The following UBAP1 variants were observed in gnomAD, a reference collection of about 807,000 sequenced individuals.
The protein encoded by UBAP1 is ubiquitin-associated protein 1.
Under a neutral mutation model 39.0 loss-of-function variants are expected in UBAP1, and 5 were observed. The ratio of observed to expected loss-of-function variants is 0.13; its 90% CI spans 0.07 to 0.27. The LOEUF (loss-of-function observed/expected upper bound fraction) is 0.27. UBAP1 is among the 10% of genes least tolerant of loss of function. The probability of loss-of-function intolerance (pLI) is 1.00; values close to 1 mark genes in which losing one functional copy is unlikely to be tolerated. For synonymous variants in UBAP1, 211 were observed against 225.1 expected, an observed-to-expected ratio of 0.94 and a Z score of 0.56; for missense variants, 490 against 608.1, an observed-to-expected ratio of 0.81 and a Z score of 2.04.
rs576970328 is a variant in UBAP1 at position 34,251,676 on chromosome 9, C to G, written c.*144C>G. On this transcript the variant is annotated 3_prime_UTR_variant, in exon 7 of 7. Coordinates refer to ENST00000297661, the MANE Select transcript of UBAP1 (RefSeq NM_016525.5). ...AGGTGTGGAGACTGCTCGCCAGTCT[C>G]TGTGAGCCTAGGCCCTGAGCTGGGG... The G allele has an allele frequency of 3.2e-4, 292 of 911,834 alleles. 1 individual carries two copies. The African/African-American group carries it at 3.4e-3, about 11-fold the overall frequency. The allele number at this position is 911,834 out of a possible 1,614,324, so 56.5% of individuals were successfully genotyped here. A position where few individuals can be genotyped will look rare whatever the true frequency, so the allele number is the denominator to read the frequency against.
At position 34,182,166 on chromosome 9, in the gene UBAP1, T is replaced by TTATG. The variant is rs1418288280; in HGVS notation, c.-8+2929_-8+2930insGTAT. Among the ~76,000 whole-genome samples, 9 of 77,908 alleles carry TTATG rather than the reference T, an allele frequency of 1.2e-4. 1 individual carries two copies. Among genetic ancestry groups the TTATG allele is most frequent in the Non-Finnish European group, 1.7e-4 (5 of 30,246 alleles). The allele number at this position is 77,908 out of a possible 152,430, so 51.1% of individuals were successfully genotyped here. On this transcript the variant is annotated intron_variant, in intron 1 of 6. Coordinates refer to ENST00000297661, the MANE Select transcript of UBAP1 (RefSeq NM_016525.5). Reference sequence around the variant, plus strand: ...GTATTTAAGGATCCCTGACGTTTATTTATTTATTTATTTATTTATTTATTT... The same window carrying TTATG: ...GTATTTAAGGATCCCTGACGTTTATTTATGTATTTATTTATTTATTTATTTATTT...
chr9:34,210,832 C>A (rs565301583), intron 1 of UBAP1, among the ~76,000 whole-genome samples: 8 of 150,390 alleles, frequency 5.3e-5, no homozygotes, highest in African/African-American at 1.5e-4. Flanking sequence ...ATTCACCAAC[C>A]TTTTTTTTTC....
chr9:34,182,659 C>CTT (rs781768744), intron 1 of UBAP1, among the ~76,000 whole-genome samples: 3 of 55,206 alleles, frequency 5.4e-5, no homozygotes, highest in African/African-American at 1.3e-4. Context: ...TTCTTTCTTT[C>CTT]TTTCTTTCTT....
intron 2 of UBAP1, among the ~76,000 whole-genome samples, chr9:34,228,037 G>C (rs1442352539): frequency 6.6e-6 from 1 of 152,160 alleles, no homozygotes; most frequent in Non-Finnish European, 1.5e-5. Flanking sequence ...GCTGAGGTGG[G>C]AGGATCACTT....
chr9:34,202,639 G>A (rs1389189934), intron 1 of UBAP1, among the ~76,000 whole-genome samples: 9 of 129,672 alleles, frequency 6.9e-5, no homozygotes, highest in African/African-American at 2.4e-4. Flanking sequence ...GTGTGTGTGT[G>A]TGTGTGTGTG....
intron 3 of UBAP1, among the ~76,000 whole-genome samples, chr9:34,235,998 T>G (rs1833682964): frequency 6.6e-6 from 1 of 151,912 alleles, no homozygotes; most frequent in African/African-American, 2.4e-5. Flanking sequence ...GTAGCTGGGA[T>G]TACAGGTGTG....
chr9:34,210,745 T>TTC (rs386414864), intron 1 of UBAP1, among the ~76,000 whole-genome samples: 1 of 151,264 alleles, frequency 6.6e-6, no homozygotes, highest in Non-Finnish European at 1.5e-5. Context: ...TTTTTTTTTT[T>TTC]TACATGTTTT....
At chr9:34,219,615 T>G (rs1049441009) in intron 1 of UBAP1, among the ~76,000 whole-genome samples, 1 of 151,690 alleles carries the variant, frequency 6.6e-6, no homozygotes, top group East Asian at 1.9e-4. Context: ...CTCATACTTA[T>G]TGGTTCAGCA....
intron 3 of UBAP1, among the ~76,000 whole-genome samples, chr9:34,236,691 A>G (rs1587871983): frequency 6.6e-6 from 1 of 151,250 alleles, no homozygotes; most frequent in African/African-American, 2.4e-5. Flanking sequence ...GCCTGACCTC[A>G]TTTTTCACCT....
chr9:34,179,056 T>C lies in UBAP1; in HGVS notation c.-192T>C. ...GGGGAAGGAGGAGGGAAGTAGGACT[T>C]CAACATGGCGGCTGCGGCACTGGCG... On this transcript the variant is annotated 5_prime_UTR_variant, in exon 1 of 7. Coordinates refer to ENST00000297661, the MANE Select transcript of UBAP1 (RefSeq NM_016525.5). 1 of 1,278,992 alleles carries C rather than the reference T, an allele frequency of 7.8e-7. No individual in the cohort carries two copies. The highest frequency in any genetic ancestry group is 2.7e-5 in the South Asian group (1 of 37,646). 79.2% of individuals were successfully genotyped at this position (1,278,992 alleles called of 1,614,324 possible).
rs1563928214 is a variant in UBAP1 at position 34,252,498 on chromosome 9, AACT to A, written c.*971_*973del. ...CTAACTATTTTGATTCTTCAGAGAG[AACT>A]ACTAATAAAAATCTAAAAGGTATGT... On this transcript the variant is annotated 3_prime_UTR_variant, in exon 7 of 7. Coordinates refer to ENST00000297661, the MANE Select transcript of UBAP1 (RefSeq NM_016525.5). The A allele has an allele frequency of 5.2e-5, 8 of 152,618 alleles. No homozygotes were observed. The highest frequency in any genetic ancestry group is 7.3e-5 in the Non-Finnish European group (5 of 68,042). 9.5% of individuals were successfully genotyped at this position (152,618 alleles called of 1,614,324 possible).
chr9:34,216,500 T>A (rs945385255), intron 1 of UBAP1, among the ~76,000 whole-genome samples: 3 of 151,782 alleles, frequency 2.0e-5, no homozygotes, highest in African/African-American at 4.8e-5. Flanking sequence ...TTATTTTAAA[T>A]TTTTTTTAGA....
At chr9:34,204,721 A>G (rs758295816) in intron 1 of UBAP1, among the ~76,000 whole-genome samples, 1 of 152,086 alleles carries the variant, frequency 6.6e-6, no homozygotes, top group Non-Finnish European at 1.5e-5. Context: ...CCCATTCTAC[A>G]AGTCTTTTAA....
chr9:34,227,609 T>TTTA (rs1159444007), intron 2 of UBAP1, among the ~76,000 whole-genome samples: 1 of 152,036 alleles, frequency 6.6e-6, no homozygotes, highest in African/African-American at 2.4e-5. Flanking sequence ...CTTCCCAGAG[T>TTTA]TTATCCTGAG....
intron 1 of UBAP1, among the ~76,000 whole-genome samples, chr9:34,186,944 G>T (rs1830438594): frequency 6.6e-6 from 1 of 151,716 alleles, no homozygotes; most frequent in Non-Finnish European, 1.5e-5. Context: ...TTTCGCTCTT[G>T]TTGCCCATGC....
chr9:34,248,626 C>T (rs1449217850), intron 4 of UBAP1, among the ~76,000 whole-genome samples: 3 of 152,196 alleles, frequency 2.0e-5, no homozygotes, highest in Non-Finnish European at 2.9e-5. Context: ...ATAATGACAG[C>T]CCTGTGCTTG....
intron 1 of UBAP1, among the ~76,000 whole-genome samples, chr9:34,192,869 AT>A (rs1808914445): frequency 6.6e-6 from 1 of 151,168 alleles, no homozygotes; most frequent in African/African-American, 2.4e-5. Context: ...CCTCTTTTAT[AT>A]AAAAATATTA....
chr9:34,248,749 A>G (rs530031767), intron 4 of UBAP1, among the ~76,000 whole-genome samples: 4 of 152,300 alleles, frequency 2.6e-5, no homozygotes, highest in East Asian at 3.9e-4. Flanking sequence ...ATCTGGTTAC[A>G]TCTGTATAAT....
chr9:34,203,354 G>C (rs1324258250), intron 1 of UBAP1, among the ~76,000 whole-genome samples: 1 of 152,096 alleles, frequency 6.6e-6, no homozygotes, highest in Non-Finnish European at 1.5e-5. Flanking sequence ...TTTCATTTCT[G>C]GTTCTTTTTT....
Sources: allele counts gnomAD v4.1 joint callset (sites outside exome capture counted in the v4.1 genomes callset), GRCh38; gene constraint gnomAD v4.1.1; transcripts MANE v1.5; gene names NCBI Gene and HGNC (gene_info 2026-07-23, HGNC 2026-07-21).